Variants in MDH1 observed in about 807,000 individuals in gnomAD.
MDH1 encodes malate dehydrogenase 1, also known as malate dehydrogenase, cytoplasmic.
MDH1 carries 15 observed loss-of-function variants against 38.7 expected under a neutral mutation model. The observed-to-expected ratio is 0.39, with a 90% CI of 0.26 to 0.60. The LOEUF is 0.60. Ranked by LOEUF, MDH1 falls within the 20% of genes least tolerant of loss-of-function variation. MDH1 has a pLI of 0.56. For missense variants in MDH1, 368 were observed against 405.2 expected (o/e 0.91, Z 0.79); for synonymous variants, 144 against 143.6 (o/e 1.00, Z -0.02).
intron 6 of MDH1, 146 bp downstream of exon 6, chr2:63,605,018 C>G: frequency 2.6e-6 from 2 of 760,124 alleles, no homozygotes; most frequent in Non-Finnish European, 4.2e-6. Context: ...CAGTCATGAT[C>G]TAGTGTGATC....
intron 2 of MDH1, chr2:63,595,007 A>G (rs1709277943): frequency 7.3e-6 from 2 of 273,418 alleles, no homozygotes; most frequent in South Asian, 7.9e-5. Flanking sequence ...AATATACACT[A>G]AAATCCTTTT....
At chr2:63,594,959 C>G (rs528592474) in intron 2 of MDH1, 1 of 248,358 alleles carries the variant, frequency 4.0e-6, no homozygotes, top group Admixed American at 5.1e-5. Flanking sequence ...TCTGCTTCCC[C>G]GCTGAAGCAG....
At chr2:63,601,831 A>C (rs952521476) in intron 5 of MDH1, among the ~76,000 whole-genome samples, 12 of 152,240 alleles carry the variant, frequency 7.9e-5, no homozygotes, top group African/African-American at 2.7e-4. Flanking sequence ...TCCTGGTAAT[A>C]TATATCTTGA....
intron 1 of MDH1, 41 bp downstream of exon 1, chr2:63,589,087 G>C (rs764981413): frequency 6.6e-5 from 107 of 1,614,008 alleles, no homozygotes; most frequent in Non-Finnish European, 9.0e-5. Context: ...TCTGGCCCTC[G>C]CGCCCTTGAG....
intron 1 of MDH1, chr2:63,593,308 G>T: frequency 3.7e-6 from 1 of 272,508 alleles, no homozygotes; most frequent in South Asian, 4.0e-5. Flanking sequence ...TGGTCAGGCT[G>T]GTCTCAAACT....
chr2:63,592,367 T>A (rs116616225), intron 1 of MDH1, among the ~76,000 whole-genome samples: 1 of 152,220 alleles, frequency 6.6e-6, no homozygotes, highest in Admixed American at 6.5e-5. Context: ...AAGTTTTTGT[T>A]TGAGACAGGA....
Position 63,606,911 on chromosome 2 carries a change from G to T in MDH1, c.929G>T (p.Arg310Leu). ...GGTCTCCCTATTAATGATTTCTCAC[G>T]TGAGAAGATGGATCTTACTGCAAAG... ...VEGLPINDFS[R>L]EKMDLTAKEL... Residue 310 changes from arginine (R) to leucine (L), a missense_variant, in exon 9 of 9, where the codon CGT becomes CTT. Coordinates refer to ENST00000233114, the MANE Select transcript of MDH1 (RefSeq NM_005917.4). 1 of 1,612,360 alleles carries T rather than the reference G, an allele frequency of 6.2e-7. No individual in the cohort carries two copies.
chr2:63,594,655 G>A, intron 2 of MDH1, 69 bp downstream of exon 2: 1 of 1,109,462 alleles, frequency 9.0e-7, no homozygotes, highest in Non-Finnish European at 1.3e-6. Context: ...TCTGTATTTA[G>A]TTGTACACAA....
intron 2 of MDH1, chr2:63,595,125 T>G: frequency 2.4e-6 from 1 of 418,794 alleles, no homozygotes; most frequent in Non-Finnish European, 4.4e-6. Flanking sequence ...ATACAGCTAT[T>G]AACAATAAGA....
chr2:63,591,320 TTC>T (rs565506761), intron 1 of MDH1, among the ~76,000 whole-genome samples: 14 of 152,352 alleles, frequency 9.2e-5, no homozygotes, highest in Middle Eastern at 3.4e-3. Context: ...GGACTTTTCT[TTC>T]TCTGTTTCAT....
At chr2:63,604,132 C>T (rs1709483345) in intron 5 of MDH1, among the ~76,000 whole-genome samples, 1 of 152,204 alleles carries the variant, frequency 6.6e-6, no homozygotes. Flanking sequence ...AAACCTCTTT[C>T]CTTCAGTTTC....
rs1198544337 is a variant in MDH1, at chr2:63,605,303, T to C, written c.699T>C (p.Ala233=). Residue 233 remains alanine (A), a synonymous_variant, in exon 7 of 9, where the codon GCT becomes GCC. Transcript: ENST00000233114. Reference sequence around the variant, plus strand: ...AGACTGTGCAGCAGCGTGGCGCTGCTGTCATCAAGGCTCGAAAACTATCCA... The same window carrying C: ...AGACTGTGCAGCAGCGTGGCGCTGCCGTCATCAAGGCTCGAAAACTATCCA... ...FVTTVQQRGA[A]VIKARKLSSA... 6.2e-7 allele frequency: 1 copy of C among 1,613,840 alleles called. No individual in the cohort carries two copies. The highest frequency in any genetic ancestry group is 1.3e-5 in the African/African-American group (1 of 74,938).
At chr2:63,605,852 A>C (rs1709516930) in intron 7 of MDH1, 87 bp from the exon 8 acceptor site, 1 of 1,076,382 alleles carries the variant, frequency 9.3e-7, no homozygotes, top group Admixed American at 1.7e-5. Context: ...ACATAGTAAG[A>C]AAGGGTCACC....
In MDH1 at chr2:63,589,620, T is replaced by C. The variant is rs149315414; in HGVS notation, c.3+574T>C. Among the ~76,000 whole-genome samples, 15 of 152,358 alleles carry C rather than the reference T, an allele frequency of 9.8e-5. No individual in the cohort carries two copies. The South Asian group carries it at 2.9e-3, about 29-fold the overall frequency. On this transcript the variant is annotated intron_variant, in intron 1 of 8. Transcript: ENST00000233114. ...ACCTTTTTTGTAATGCCAGGATATATTGAAGTGACAGCATCACTAACTAAA... is the reference window on the plus strand; with the variant it reads ...ACCTTTTTTGTAATGCCAGGATATACTGAAGTGACAGCATCACTAACTAAA...
Position 63,599,256 on chromosome 2 carries a change from C to G in MDH1, c.462C>G (p.Cys154Trp), listed in dbSNP as rs370041076. The change falls in exon 5 of 9, where the codon TGC (cysteine) becomes TGG (tryptophan). Residue 154 changes from cysteine (C) to tryptophan (W), a missense_variant. Physicochemically the swap from Cys to Trp is radical, Grantham distance 215 (BLOSUM62 -2). Transcript: ENST00000233114. ...APSIPKENFS[C>W]LTRLDHNRAK... ...CCATCCCCAAGGAGAACTTCAGTTG[C>G]TTGACTCGTTTGGATCACAACCGAG... 1 of 1,613,702 alleles carries G rather than the reference C, an allele frequency of 6.2e-7. No homozygotes were observed.
chr2:63,605,594 A>G (rs1709512684), intron 7 of MDH1, among the ~76,000 whole-genome samples: 1 of 152,212 alleles, frequency 6.6e-6, no homozygotes, highest in Non-Finnish European at 1.5e-5. Context: ...CATTACTATT[A>G]TACACAGGGT....
chr2:63,605,250 T>C, intron 6 of MDH1, 30 bp from the exon 7 acceptor site: 3 of 1,436,582 alleles, frequency 2.1e-6, no homozygotes, highest in Non-Finnish European at 2.9e-6. Context: ...GACCAAGTAA[T>C]ACTGCTGCCT....
chr2:63,605,187 C>A, intron 6 of MDH1, 93 bp from the exon 7 acceptor site: 2 of 820,404 alleles, frequency 2.4e-6, no homozygotes, highest in Non-Finnish European at 4.0e-6. Flanking sequence ...AAGCTCTGGT[C>A]ATAGCTTTTC....
At chr2:63,595,304 A>C in intron 2 of MDH1, 119 bp from the exon 3 acceptor site, 1 of 723,280 alleles carries the variant, frequency 1.4e-6, no homozygotes, top group Non-Finnish European at 2.5e-6. Flanking sequence ...AATAATCATC[A>C]TGACTAATTA....
Sources: allele counts gnomAD v4.1 joint callset (sites outside exome capture counted in the v4.1 genomes callset), GRCh38; gene constraint gnomAD v4.1.1; transcripts MANE v1.5; gene names NCBI Gene and HGNC (gene_info 2026-07-23, HGNC 2026-07-21).